FRAS1: variants seen among roughly 807,000 people sequenced by gnomAD.
FRAS1 encodes extracellular matrix organizing protein FRAS1.
FRAS1 carries 290 observed loss-of-function variants against 435.2 expected under a neutral mutation model. That is an observed-to-expected ratio of 0.67 (90% CI 0.61 to 0.73). The LOEUF (loss-of-function observed/expected upper bound fraction) is 0.73. Ranked by LOEUF, FRAS1 falls within the 30% of genes least tolerant of loss-of-function variation. The pLI is 0.00. For missense variants in FRAS1, 4,860 were observed against 5,001.5 expected, an observed-to-expected ratio of 0.97 and a Z score of 0.85; for synonymous variants, 1,800 against 1,851.0, an observed-to-expected ratio of 0.97 and a Z score of 0.71.
chr4:78,375,112 T>C (rs1578283085), intron 25 of FRAS1, among the ~76,000 whole-genome samples: 1 of 152,204 alleles, frequency 6.6e-6, no homozygotes, highest in South Asian at 2.1e-4. Flanking sequence ...AAATGCTTCA[T>C]TGAAAATTGT....
chr4:78,382,473 C>A (rs963492433), intron 27 of FRAS1, among the ~76,000 whole-genome samples: 1 of 152,112 alleles, frequency 6.6e-6, no homozygotes, highest in African/African-American at 2.4e-5. Flanking sequence ...CACCAAAAAT[C>A]ATTTTTAAAA....
At position 78,363,972 on chromosome 4, in the gene FRAS1, C is replaced by T. The variant is rs1487904930; in HGVS notation, c.2640C>T (p.Thr880=). Reference sequence around the variant, plus strand: ...CTTTCTCCTGCTCCTCATGTGACACCAACCTCGTGCTGTCCCACACTGGCA... The same window carrying T: ...CTTTCTCCTGCTCCTCATGTGACACTAACCTCGTGCTGTCCCACACTGGCA... ...RGPFSCSSCD[T]NLVLSHTGTC... is the part of the protein sequence containing the mutation. Residue 880 remains threonine (T), a synonymous_variant, in exon 22 of 74, where the codon ACC becomes ACT. Coordinates refer to ENST00000512123, the MANE Select transcript of FRAS1 (RefSeq NM_025074.7). 2 of 1,612,806 alleles carry T rather than the reference C, an allele frequency of 1.2e-6. No individual in the cohort carries two copies. The highest frequency in any genetic ancestry group is 1.7e-6 in the Non-Finnish European group (2 of 1,179,356).
At chr4:78,194,747 C>G (rs1722721038) in intron 2 of FRAS1, among the ~76,000 whole-genome samples, 1 of 152,032 alleles carries the variant, frequency 6.6e-6, no homozygotes, top group Non-Finnish European at 1.5e-5. Context: ...GTAGTTTGAC[C>G]ATCTGAAGTC....
At chr4:78,473,156 G>T (rs1233076372) in intron 52 of FRAS1, among the ~76,000 whole-genome samples, 1 of 152,056 alleles carries the variant, frequency 6.6e-6, no homozygotes, top group Non-Finnish European at 1.5e-5. Context: ...TTATTGAAGT[G>T]CTTTTTGTCA....
intron 35 of FRAS1, 121 bp from the exon 36 acceptor site, chr4:78,428,974 A>G (rs1734103270): frequency 3.1e-6 from 3 of 976,976 alleles, no homozygotes; most frequent in Non-Finnish European, 4.5e-6. Context: ...AAAAGTTTCT[A>G]GCTACATATT....
chr4:78,259,701 C>T (rs1226675206), intron 6 of FRAS1, among the ~76,000 whole-genome samples: 1 of 147,254 alleles, frequency 6.8e-6, no homozygotes, highest in Non-Finnish European at 1.5e-5. Flanking sequence ...TGCAGAAGCT[C>T]TTTAGTTTAA....
At chr4:78,134,519 A>T (rs1333601450) in intron 2 of FRAS1, among the ~76,000 whole-genome samples, 2 of 152,172 alleles carry the variant, frequency 1.3e-5, no homozygotes, top group Non-Finnish European at 2.9e-5. Flanking sequence ...AGAGAAGAAA[A>T]GTGGAAAGCC....
intron 9 of FRAS1, among the ~76,000 whole-genome samples, chr4:78,268,151 C>G (rs952075093): frequency 2.6e-5 from 4 of 152,138 alleles, no homozygotes; most frequent in African/African-American, 9.7e-5. Context: ...TTCCGCCCCA[C>G]CAATTTCCCT....
intron 2 of FRAS1, among the ~76,000 whole-genome samples, chr4:78,125,569 G>A (rs1165439185): frequency 6.6e-6 from 1 of 152,096 alleles, no homozygotes; most frequent in Non-Finnish European, 1.5e-5. Flanking sequence ...TCGTTGATCT[G>A]TCTTTTTTGT....
intron 7 of FRAS1, among the ~76,000 whole-genome samples, chr4:78,266,277 ACCTC>A (rs2110153957): frequency 6.6e-6 from 1 of 152,050 alleles, no homozygotes; most frequent in African/African-American, 2.4e-5. Context: ...CCCCAAGGAG[ACCTC>A]CTCAGCCCTG....
chr4:78,115,280 C>G (rs1261595262), intron 2 of FRAS1, among the ~76,000 whole-genome samples: 1 of 152,118 alleles, frequency 6.6e-6, no homozygotes, highest in African/African-American at 2.4e-5. Context: ...GGATATTGGT[C>G]TGAAATTCTA....
intron 9 of FRAS1, among the ~76,000 whole-genome samples, chr4:78,276,612 G>A (rs1022316537): frequency 4.6e-5 from 7 of 152,230 alleles, no homozygotes; most frequent in East Asian, 1.9e-4. Context: ...TATCAGCAGC[G>A]GAGGCTGCAG....
At chr4:78,183,867 C>A (rs62308032) in intron 2 of FRAS1, among the ~76,000 whole-genome samples, 50,464 of 148,628 alleles carry the variant, frequency 0.34, 8,640 homozygotes, top group African/African-American at 0.38. Flanking sequence ...TAAATAACAA[C>A]AAAAGAAACC....
chr4:78,438,114 C>T (rs1239367426), intron 38 of FRAS1, among the ~76,000 whole-genome samples: 2 of 151,960 alleles, frequency 1.3e-5, no homozygotes, highest in Non-Finnish European at 2.9e-5. Flanking sequence ...ATTTTATTAT[C>T]GTATTATATG....
intron 9 of FRAS1, among the ~76,000 whole-genome samples, chr4:78,267,661 G>C (rs374080268): frequency 6.6e-6 from 1 of 152,320 alleles, no homozygotes; most frequent in Non-Finnish European, 1.5e-5. Context: ...AGTACATCTG[G>C]TCAAATTGGA....
At chr4:78,331,605 T>G (rs1364766755) in intron 18 of FRAS1, among the ~76,000 whole-genome samples, 3 of 152,108 alleles carry the variant, frequency 2.0e-5, no homozygotes, top group Non-Finnish European at 2.9e-5. Context: ...ATCTCAGTGG[T>G]GAAAAATCAC....
intron 70 of FRAS1, among the ~76,000 whole-genome samples, chr4:78,530,229 C>A (rs1298461545): frequency 6.6e-6 from 1 of 151,618 alleles, no homozygotes; most frequent in Non-Finnish European, 1.5e-5. Flanking sequence ...GAGAGAGGAA[C>A]GACGGTTTGA....
chr4:78,370,648 G>A (rs1731466396), intron 23 of FRAS1, among the ~76,000 whole-genome samples: 1 of 152,184 alleles, frequency 6.6e-6, no homozygotes, highest in Non-Finnish European at 1.5e-5. Context: ...AGCTTGATAA[G>A]GTCAGGAGTC....
chr4:78,284,329 A>G (rs977634307), intron 12 of FRAS1, 76 bp from the exon 13 acceptor site: 22 of 1,387,158 alleles, frequency 1.6e-5, no homozygotes, highest in Admixed American at 5.8e-5. Context: ...TACTTTGTAG[A>G]TTCTTTTCTG....
Sources: gnomAD v4.1 joint callset for allele counts (sites outside exome capture counted in the v4.1 genomes callset) on GRCh38, gnomAD v4.1.1 for gene constraint, MANE v1.5 for transcripts, NCBI Gene and HGNC (gene_info 2026-07-23, HGNC 2026-07-21) for gene names.